Variants in PSTPIP1 observed in about 807,000 individuals in gnomAD.
PSTPIP1 encodes the protein proline-serine-threonine phosphatase interacting protein 1.
PSTPIP1 carries 66 observed loss-of-function variants against 69.6 expected under a neutral mutation model. That is an observed-to-expected ratio of 0.95 (90% CI 0.78 to 1.16). PSTPIP1 has a LOEUF of 1.16. PSTPIP1 is among the 50% of genes most tolerant of loss of function. The pLI, the probability that PSTPIP1 is intolerant of heterozygous loss-of-function variation, is 0.00. For synonymous variants in PSTPIP1, 266 were observed against 222.7 expected, an observed-to-expected ratio of 1.19 and a Z score of -1.73; for missense variants, 603 against 557.4, an observed-to-expected ratio of 1.08 and a Z score of -0.82.
chr15:77,034,479 G>T (rs2076506531), intron 12 of PSTPIP1, among the ~76,000 whole-genome samples: 1 of 151,958 alleles, frequency 6.6e-6, no homozygotes, highest in Non-Finnish European at 1.5e-5. Context: ...TTGCAGGGCT[G>T]CCCCCCACAG....
intron 3 of PSTPIP1, 126 bp from the exon 4 acceptor site, chr15:77,025,158 G>C (rs1039839516): frequency 1.6e-5 from 17 of 1,084,182 alleles, no homozygotes; most frequent in Non-Finnish European, 2.4e-5. Context: ...CTTGGTTCTA[G>C]AGTGACCCAG....
At chr15:77,025,731 C>T in intron 5 of PSTPIP1, 127 bp downstream of exon 5, 2 of 784,718 alleles carry the variant, frequency 2.5e-6, no homozygotes, top group South Asian at 1.7e-5. Context: ...TGGGACAGCA[C>T]TCCAGGCTTT....
In PSTPIP1 at chr15:77,035,795, C is replaced by T; in HGVS notation, c.986-7C>T. 1 of 1,604,680 alleles carries T rather than the reference C, an allele frequency of 6.2e-7. No homozygotes were observed. Among genetic ancestry groups the T allele is most frequent in the African/African-American group, 1.3e-5 (1 of 74,880 alleles). The stretch of plus-strand genomic sequence containing the variant: ...GGGGAGGGGTCTATGTCTCACCCTG[C>T]TCTTAGCGTCCACAGAGACCCTGAC... On this transcript the variant is annotated splice_polypyrimidine_tract_variant and splice_region_variant and intron_variant, in intron 13 of 14. Coordinates refer to ENST00000558012, the MANE Select transcript of PSTPIP1 (RefSeq NM_003978.5).
At chr15:77,012,298 C>T (rs1470909945) in intron 1 of PSTPIP1, among the ~76,000 whole-genome samples, 1 of 151,230 alleles carries the variant, frequency 6.6e-6, no homozygotes, top group African/African-American at 2.4e-5. Context: ...CCCATCTACC[C>T]ATCCATGCAT....
At chr15:77,035,481 C>T in intron 12 of PSTPIP1, 27 bp from the exon 13 acceptor site, 1 of 1,577,626 alleles carries the variant, frequency 6.3e-7, no homozygotes, top group Non-Finnish European at 8.6e-7. Flanking sequence ...GGCGGGGACA[C>T]TCACCCTCTT....
At chr15:76,995,962 T>C (rs989979695) in intron 1 of PSTPIP1, among the ~76,000 whole-genome samples, 1 of 152,222 alleles carries the variant, frequency 6.6e-6, no homozygotes, top group Non-Finnish European at 1.5e-5. Context: ...CCAGACAAAC[T>C]TGAGTTCAGG....
intron 9 of PSTPIP1, among the ~76,000 whole-genome samples, chr15:77,030,938 G>T (rs949959145): frequency 1.3e-5 from 2 of 152,344 alleles, no homozygotes; most frequent in African/African-American, 4.8e-5. Context: ...CTTCTGCCTC[G>T]GTGTGGTGCA....
chr15:77,007,886 GC>G (rs2075849035), intron 1 of PSTPIP1: 1 of 455,918 alleles, frequency 2.2e-6, no homozygotes, highest in Admixed American at 2.4e-5. Flanking sequence ...GAGCCACCGC[GC>G]CCGACTGGCA....
chr15:77,029,629 C>T (rs1186023844), intron 8 of PSTPIP1, 55 bp downstream of exon 8: 10 of 1,514,204 alleles, frequency 6.6e-6, no homozygotes, highest in African/African-American at 1.4e-5. Context: ...GCGGTACTCC[C>T]CACACACACC....
intron 9 of PSTPIP1, among the ~76,000 whole-genome samples, chr15:77,030,801 C>G (rs2076396105): frequency 1.3e-5 from 2 of 152,230 alleles, no homozygotes; most frequent in African/African-American, 2.4e-5. Flanking sequence ...GGCAGGCATT[C>G]TTCCACCCTC....
Position 76,996,894 on chromosome 15 carries a change from C to T in PSTPIP1, c.36+1285C>T, listed in dbSNP as rs369905474. Among the ~76,000 whole-genome samples, 75 of 152,296 alleles carry T rather than the reference C, an allele frequency of 4.9e-4. 2 individuals carry two copies. The South Asian group carries it at 0.015, about 31-fold the overall frequency. ...GGGGATGGGGGATGTGAGTCACCAC[C>T]TAGCTGCCCTGCCTTGGTGTGCAAA... On this transcript the variant is annotated intron_variant, in intron 1 of 14. Coordinates refer to ENST00000558012, the MANE Select transcript of PSTPIP1 (RefSeq NM_003978.5).
At chr15:77,025,693 A>C in intron 5 of PSTPIP1, 89 bp downstream of exon 5, 10 of 747,026 alleles carry the variant, frequency 1.3e-5, no homozygotes, top group African/African-American at 1.8e-5. Flanking sequence ...TTCCTGGTAG[A>C]GCCAGTGGAG....
intron 1 of PSTPIP1, chr15:77,008,133 C>A: frequency 2.2e-6 from 1 of 450,500 alleles, no homozygotes; most frequent in Non-Finnish European, 4.5e-6. Flanking sequence ...CCTGGAGCTG[C>A]AGTGAATACT....
In PSTPIP1 at chr15:77,027,681, T is replaced by C; in HGVS notation, c.355-171T>C. The C allele has an allele frequency of 1.3e-6, 1 of 746,438 alleles. No homozygotes were observed. The allele number at this position is 746,438 out of a possible 1,614,324, so 46.2% of individuals were successfully genotyped here. On this transcript the variant is annotated intron_variant, in intron 5 of 14. Coordinates refer to ENST00000558012, the MANE Select transcript of PSTPIP1 (RefSeq NM_003978.5). This position sits in a 1 kb window ranked among gnomAD's most constrained non-coding sequence, Gnocchi z 4.3. The stretch of plus-strand genomic sequence containing the variant: ...CCTGTGATTCTCTGTGGCCTTCCAT[T>C]GTGAGGGTCACTGTGAAGCAGCAGG...
At chr15:77,006,469 A>G (rs558844019) in intron 1 of PSTPIP1, among the ~76,000 whole-genome samples, 11 of 152,214 alleles carry the variant, frequency 7.2e-5, no homozygotes, top group African/African-American at 1.9e-4. Context: ...CAATGTGTCT[A>G]CTCTTTGTTT....
In PSTPIP1 at chr15:77,025,319, G is replaced by A. The variant is rs573784011; in HGVS notation, c.247+1G>A. 234 of 1,609,084 alleles carry A rather than the reference G, an allele frequency of 1.5e-4. 4 individuals carry two copies. The highest frequency in any genetic ancestry group is 1.2e-3 in the South Asian group (109 of 90,980). On this transcript the variant is annotated splice_donor_variant, in intron 4 of 14. Transcript: ENST00000558012. LOFTEE classifies it high-confidence loss of function. ...GCCTCCTTTGACTCCTTGAAGCAGC[G>A]TAAGTCCCCTACCCTGGGGCAATGG...
chr15:77,035,186 G>A (rs1029354899), intron 12 of PSTPIP1, among the ~76,000 whole-genome samples: 33 of 152,218 alleles, frequency 2.2e-4, no homozygotes, highest in African/African-American at 8.0e-4. Flanking sequence ...AAAGGGCCAT[G>A]GGAGTCTTCC....
rs970904080 is a variant in PSTPIP1 at position 77,032,311 on chromosome 15, T to G, written c.755T>G (p.Val252Gly). Residue 252 changes from valine (V) to glycine (G), a missense_variant, in exon 11 of 15, where the codon GTG becomes GGG. Transcript: ENST00000558012. ...TTCCTGCCCCAGCTCTACGAGGAAGTGCGGCTGACGCTGGAAGGCTGCAGC... is the reference window on the plus strand; with the variant it reads ...TTCCTGCCCCAGCTCTACGAGGAAGGGCGGCTGACGCTGGAAGGCTGCAGC... ...CVKDDELYEE[V>G]RLTLEGCSID... 2 of 1,612,398 alleles carry G rather than the reference T, an allele frequency of 1.2e-6. No individual in the cohort carries two copies. Among genetic ancestry groups the G allele is most frequent in the Non-Finnish European group, 1.7e-6 (2 of 1,179,706 alleles).
chr15:77,028,450 A>G, intron 6 of PSTPIP1, 104 bp from the exon 7 acceptor site: 1 of 1,013,430 alleles, frequency 9.9e-7, no homozygotes, highest in South Asian at 1.8e-5. Context: ...TCCACCCGCA[A>G]CCCTCGCCAG....
Sources: allele counts gnomAD v4.1 joint callset (sites outside exome capture counted in the v4.1 genomes callset), GRCh38; gene constraint gnomAD v4.1.1; non-coding constraint Gnocchi (gnomAD v3.1); transcripts MANE v1.5; gene names NCBI Gene and HGNC (gene_info 2026-07-23, HGNC 2026-07-21).